The following PLXNA4 variants were observed in gnomAD, a reference collection of about 807,000 sequenced individuals.
The protein encoded by PLXNA4 is plexin A4.
A neutral mutation model predicts 191.8 loss-of-function variants in PLXNA4; 44 were observed. The observed-to-expected ratio is 0.23, with a 90% CI of 0.18 to 0.29. The LOEUF is 0.29. Among genes scored for constraint, PLXNA4 ranks in the 10% least tolerant of loss-of-function variants. The pLI, the probability that PLXNA4 is intolerant of heterozygous loss-of-function variation, is 1.00. For missense variants in PLXNA4, 1,800 were observed against 2,488.8 expected, an observed-to-expected ratio of 0.72 and a Z score of 5.89; for synonymous variants, 1,082 against 1,009.5, an observed-to-expected ratio of 1.07 and a Z score of -1.36.
At chr7:132,611,863 G>A (rs922705676) in intron 2 of PLXNA4, among the ~76,000 whole-genome samples, 1 of 152,154 alleles carries the variant, frequency 6.6e-6, no homozygotes, top group Non-Finnish European at 1.5e-5. Context: ...TTAACAGGCA[G>A]GGCACATTCT....
At chr7:132,594,931 A>AT (rs1352443614) in intron 2 of PLXNA4, among the ~76,000 whole-genome samples, 6 of 134,304 alleles carry the variant, frequency 4.5e-5, no homozygotes, top group African/African-American at 1.6e-4. Flanking sequence ...AGATAGATAG[A>AT]TAGATAGATA....
intron 3 of PLXNA4, among the ~76,000 whole-genome samples, chr7:132,407,854 T>C (rs1205059299): frequency 6.6e-6 from 1 of 152,260 alleles, no homozygotes; most frequent in Admixed American, 6.5e-5. Context: ...ACAAGAAATG[T>C]CTACCACATT....
intron 10 of PLXNA4, 39 bp from the exon 11 acceptor site, chr7:132,203,458 G>A (rs754866610): frequency 1.3e-6 from 2 of 1,568,334 alleles, no homozygotes; most frequent in Non-Finnish European, 8.8e-7. Context: ...AGAAAGTGGG[G>A]TCACAGAGAG....
upstream of PLXNA4, among the ~76,000 whole-genome samples, chr7:132,577,576 G>A (rs1414187355): frequency 1.3e-5 from 2 of 152,214 alleles, no homozygotes; most frequent in Admixed American, 6.5e-5. Context: ...GCCGCCGCCC[G>A]GCTTGCCGGC....
intron 8 of PLXNA4, 85 bp downstream of exon 8, chr7:132,226,076 C>T (rs1798312718): frequency 2.3e-6 from 3 of 1,296,296 alleles, no homozygotes; most frequent in East Asian, 2.4e-5. Context: ...AATGGTGACT[C>T]CCTGGGAATA....
At chr7:132,387,637 G>C (rs1356116776) in intron 3 of PLXNA4, among the ~76,000 whole-genome samples, 3 of 152,204 alleles carry the variant, frequency 2.0e-5, no homozygotes, top group African/African-American at 7.2e-5. Context: ...GAGCACAAAG[G>C]GTGAGAGACA....
chr7:132,188,381 T>TGTATC (rs1796949231), intron 14 of PLXNA4, among the ~76,000 whole-genome samples: 1 of 152,210 alleles, frequency 6.6e-6, no homozygotes, highest in Admixed American at 6.5e-5. Flanking sequence ...GTGAGAAGCC[T>TGTATC]GTATCTGCAT....
intron 2 of PLXNA4, among the ~76,000 whole-genome samples, chr7:132,624,724 G>A (rs1803336127): frequency 1.3e-5 from 2 of 152,070 alleles, no homozygotes; most frequent in South Asian, 4.1e-4. Context: ...GTAAGCTTAG[G>A]GTTAAACACC....
upstream of PLXNA4, among the ~76,000 whole-genome samples, chr7:132,577,578 C>G (rs1161145817): frequency 2.0e-5 from 3 of 152,126 alleles, no homozygotes; most frequent in Non-Finnish European, 4.4e-5. Flanking sequence ...CGCCGCCCGG[C>G]TTGCCGGCTC....
At chr7:132,371,030 G>A (rs1804416545) in intron 3 of PLXNA4, among the ~76,000 whole-genome samples, 1 of 152,180 alleles carries the variant, frequency 6.6e-6, no homozygotes. Flanking sequence ...GGCACAAGAA[G>A]AGTGGAAAGG....
chr7:132,183,457 G>A (rs76538396), intron 16 of PLXNA4, among the ~76,000 whole-genome samples: 2,460 of 152,328 alleles, frequency 0.016, 52 homozygotes, highest in Non-Finnish European at 0.019. Context: ...AAGCCCTGGA[G>A]CTGGCTGGCA....
At chr7:132,560,240 G>C (rs886443704) in intron 1 of PLXNA4, among the ~76,000 whole-genome samples, 3 of 152,142 alleles carry the variant, frequency 2.0e-5, no homozygotes, top group Admixed American at 6.5e-5. Flanking sequence ...CCGAGGAAGG[G>C]AACAAGCAGA....
chr7:132,626,390 G>T (rs1367991918), intron 2 of PLXNA4, among the ~76,000 whole-genome samples: 1 of 152,176 alleles, frequency 6.6e-6, no homozygotes, highest in East Asian at 1.9e-4. Flanking sequence ...ATATGTCGCT[G>T]CCCAAATATC....
chr7:132,298,099 C>G lies in PLXNA4; in HGVS notation c.1495G>C (p.Glu499Gln). 2.5e-6 allele frequency: 4 copies of G among 1,614,220 alleles called. No homozygotes were observed. Among genetic ancestry groups the G allele is most frequent in the Non-Finnish European group, 3.4e-6 (4 of 1,180,042 alleles). The change falls in exon 4 of 32, where the codon GAG becomes CAG. Residue 499 changes from glutamate to glutamine, a missense_variant. Coordinates refer to ENST00000321063, the MANE Select transcript of PLXNA4 (RefSeq NM_020911.2). ...KDHEQLYIMS[E>Q]RQLTRVPVES... ...AGCCCGAAGAGCCTTACCTGCCTCTCTGACATGATGTAGAGTTGCTCGTGG... is the reference window on the plus strand; with the variant it reads ...AGCCCGAAGAGCCTTACCTGCCTCTGTGACATGATGTAGAGTTGCTCGTGG...
chr7:132,252,974 T>C (rs1799307249), intron 4 of PLXNA4, among the ~76,000 whole-genome samples: 1 of 152,228 alleles, frequency 6.6e-6, no homozygotes, highest in African/African-American at 2.4e-5. Flanking sequence ...ACTCAATGTT[T>C]GTTTTCAAAA....
chr7:132,133,350 G>GTC (rs1213870750), intron 30 of PLXNA4, 151 bp from the exon 31 acceptor site: 4 of 1,349,920 alleles, frequency 3.0e-6, no homozygotes, highest in South Asian at 1.5e-5. Flanking sequence ...GACCACTGTG[G>GTC]TCTCTCTCTC....
upstream of PLXNA4, among the ~76,000 whole-genome samples, chr7:132,580,005 T>C (rs754424102): frequency 2.4e-4 from 36 of 152,266 alleles, no homozygotes; most frequent in East Asian, 1.7e-3. Flanking sequence ...GGCTCTGTCA[T>C]TGGCCAGCTT....
chr7:132,563,131 T>C (rs1801395216), intron 1 of PLXNA4, among the ~76,000 whole-genome samples: 1 of 95,492 alleles, frequency 1.0e-5, no homozygotes, highest in South Asian at 6.5e-4. Context: ...CTTCTCCTCC[T>C]CCTCCTTCTC....
chr7:132,595,854 A>T (rs1407381454), intron 2 of PLXNA4, among the ~76,000 whole-genome samples: 1 of 152,232 alleles, frequency 6.6e-6, no homozygotes, highest in Non-Finnish European at 1.5e-5. Context: ...ATTTGTAGAC[A>T]TCATGAAATT....
Sources: gnomAD v4.1 joint callset for allele counts (sites outside exome capture counted in the v4.1 genomes callset) on GRCh38, gnomAD v4.1.1 for gene constraint, MANE v1.5 for transcripts, NCBI Gene and HGNC (gene_info 2026-07-23, HGNC 2026-07-21) for gene names.